PTPRF: variants seen among roughly 807,000 people sequenced by gnomAD.
PTPRF encodes receptor-type tyrosine-protein phosphatase F.
Under a neutral mutation model 201.8 loss-of-function variants are expected in PTPRF, and 59 were observed. That is an observed-to-expected ratio of 0.29 (90% CI 0.24 to 0.36). PTPRF has a LOEUF of 0.36. Among genes scored for constraint, PTPRF ranks in the 10% least tolerant of loss-of-function variants. The pLI is 1.00. For synonymous variants in PTPRF, 1,088 were observed against 1,089.7 expected, an observed-to-expected ratio of 1.00 and a Z score of 0.03; for missense variants, 2,132 against 2,690.5, an observed-to-expected ratio of 0.79 and a Z score of 4.59.
At position 43,553,039 on chromosome 1, in the gene PTPRF, A is replaced by G. The variant is rs569368345; in HGVS notation, c.92-453A>G. ...GAGCCCCGGGGTGGATGGTGGTGCC[A>G]TCACTGAGATGGAGAGCAGGGGGAG... is the stretch of plus-strand genomic sequence containing the variant. On this transcript the variant is annotated intron_variant, in intron 3 of 33. Transcript: ENST00000359947. This position sits in a 1 kb window ranked among gnomAD's most constrained non-coding sequence, Gnocchi z 4.1. Among the ~76,000 whole-genome samples the G allele has an allele frequency of 3.3e-5, 5 of 152,278 alleles. No homozygotes were observed. In the East Asian group the frequency reaches 9.7e-4, roughly 29 times the overall value.
intron 7 of PTPRF, chr1:43,579,588 A>G: frequency 3.6e-6 from 1 of 279,556 alleles, no homozygotes. Context: ...GCAGAGAGGA[A>G]CCTGGGGACT....
intron 23 of PTPRF, among the ~76,000 whole-genome samples, chr1:43,616,547 G>A (rs1657908070): frequency 1.3e-5 from 2 of 151,906 alleles, no homozygotes; most frequent in African/African-American, 4.8e-5. Flanking sequence ...GGGTGGGGGA[G>A]CACCAGAACC....
At chr1:43,534,887 C>T (rs150385107) in intron 1 of PTPRF, among the ~76,000 whole-genome samples, 45 of 152,238 alleles carry the variant, frequency 3.0e-4, no homozygotes, top group African/African-American at 8.2e-4. Context: ...TCTCTGAATC[C>T]GCTTCCTCAT....
In PTPRF at chr1:43,606,295, C is replaced by G; in HGVS notation, c.3539C>G (p.Ala1180Gly). 6.2e-7 allele frequency: 1 copy of G among 1,613,926 alleles called. No homozygotes were observed. Among genetic ancestry groups the G allele is most frequent in the South Asian group, 1.1e-5 (1 of 91,080 alleles). ...GEEQRRRRRQ[A>G]ERLKPYVAAQ... The stretch of plus-strand genomic sequence containing the variant: ...GAGCAGCGGCGGCGGCGGCGGCAGG[C>G]AGAACGTCTGAAGCCATATGTGGCT... Residue 1180 changes from alanine to glycine, a missense_variant, in exon 20 of 34, where the codon GCA becomes GGA. By Grantham distance (60) the Ala-to-Gly change is moderately conservative. Coordinates refer to ENST00000359947, the MANE Select transcript of PTPRF (RefSeq NM_002840.5).
rs1475129474 is a variant in PTPRF at position 43,618,632 on chromosome 1, A to G, written c.4374A>G (p.Val1458=). The G allele has an allele frequency of 1.3e-6, 2 of 1,596,236 alleles. No homozygotes were observed. Among genetic ancestry groups the G allele is most frequent in the South Asian group, 1.1e-5 (1 of 90,514 alleles). The change falls in exon 26 of 34, where the codon GTA becomes GTG. Residue 1458 remains valine (V), a splice_region_variant and synonymous_variant. Transcript: ENST00000359947. ...MMTRLEEKSR[V]KCDQYWPARG... ...CTGCCCTGCTCATCCTCCTGCAGGT[A>G]AAATGTGATCAGTACTGGCCAGCCC...
At chr1:43,590,628 G>A (rs1213005407) in intron 8 of PTPRF, among the ~76,000 whole-genome samples, 2 of 152,212 alleles carry the variant, frequency 1.3e-5, no homozygotes, top group Admixed American at 6.5e-5. Context: ...CCCAGTCTGG[G>A]TGTCTTTCAT....
upstream of PTPRF, among the ~76,000 whole-genome samples, chr1:43,529,839 G>A (rs2153944100): frequency 6.6e-6 from 1 of 152,272 alleles, no homozygotes; most frequent in African/African-American, 2.4e-5. Context: ...CATTATTTGA[G>A]TTTGGTATGA....
intron 5 of PTPRF, among the ~76,000 whole-genome samples, chr1:43,558,621 C>T (rs979617760): frequency 3.9e-5 from 6 of 152,140 alleles, no homozygotes; most frequent in South Asian, 2.1e-4. Context: ...GCCTCTCCCT[C>T]GCCGGGTAAT....
intron 23 of PTPRF, 22 bp from the exon 24 acceptor site, chr1:43,617,423 C>G (rs774264880): frequency 1.9e-6 from 3 of 1,613,950 alleles, no homozygotes; most frequent in Non-Finnish European, 2.5e-6. Context: ...CCCACCCCAC[C>G]CGCTTTCTCC....
At chr1:43,536,939 AG>A (rs374381100) in intron 1 of PTPRF, among the ~76,000 whole-genome samples, 1 of 152,266 alleles carries the variant, frequency 6.6e-6, no homozygotes, top group Non-Finnish European at 1.5e-5. Context: ...CCAGGTGCAG[AG>A]GTGTGTCCTT....
Position 43,546,957 on chromosome 1 carries a change from T to C in PTPRF, c.91+1791T>C, listed in dbSNP as rs1644718053. On this transcript the variant is annotated intron_variant, in intron 3 of 33. Transcript: ENST00000359947. This position sits in a 1 kb window ranked among gnomAD's most constrained non-coding sequence, Gnocchi z 4.2. The stretch of plus-strand genomic sequence containing the variant: ...AAGCCACCCTCGGCTCTTGGGCTTT[T>C]GCACGCAACAGCCTCCTGACGGTTT... 6.6e-6 allele frequency among the ~76,000 whole-genome samples: 1 copy of C among 152,236 alleles called. No homozygotes were observed. The highest frequency in any genetic ancestry group is 2.4e-5 in the African/African-American group (1 of 41,434).
At chr1:43,559,278 G>A (rs1034072391) in intron 5 of PTPRF, among the ~76,000 whole-genome samples, 2 of 152,210 alleles carry the variant, frequency 1.3e-5, no homozygotes, top group African/African-American at 2.4e-5. Context: ...GGAAGGGGCA[G>A]TGTGTGCAGG....
chr1:43,565,865 C>T (rs1486856212), intron 5 of PTPRF, among the ~76,000 whole-genome samples: 1 of 152,146 alleles, frequency 6.6e-6, no homozygotes, highest in Admixed American at 6.5e-5. Flanking sequence ...CTCGGGCACA[C>T]GCAGCCCTTC....
upstream of PTPRF, among the ~76,000 whole-genome samples, chr1:43,529,859 A>T (rs1298757056): frequency 1.3e-5 from 2 of 152,300 alleles, no homozygotes; most frequent in East Asian, 3.9e-4. Flanking sequence ...AGAAGTCAGA[A>T]ACTCAGTACT....
In PTPRF at chr1:43,615,564, TTTTTTTTTTTTTTTTTTC is replaced by T. The variant is rs1160430922; in HGVS notation, c.4071+1856_4072-1857del. Among the ~76,000 whole-genome samples the T allele has an allele frequency of 7.5e-3, 476 of 63,722 alleles. 17 individuals are homozygous for T. The East Asian group carries it at 0.1, about 14-fold the overall frequency. The allele number at this position is 63,722 out of a possible 152,430, so 41.8% of individuals were successfully genotyped here. A position where few individuals can be genotyped will look rare whatever the true frequency, so the allele number is the denominator to read the frequency against. ...TAGCTCTGTTGTCTTTTTTTTTTTTTTTTTTTTTTTTTTTTTTCTTTTTTGGAAGTCTCGCTCCGTCAT... is the reference window on the plus strand; with the variant it reads ...TAGCTCTGTTGTCTTTTTTTTTTTTTTTTTTTGGAAGTCTCGCTCCGTCAT... On this transcript the variant is annotated intron_variant, in intron 23 of 33. Coordinates refer to ENST00000359947, the MANE Select transcript of PTPRF (RefSeq NM_002840.5).
rs752058133 is a variant in PTPRF, at chr1:43,621,509, GAAAACAAAAC to G, written c.5655+292_5655+301del. On this transcript the variant is annotated intron_variant, in intron 33 of 33. Coordinates refer to ENST00000359947, the MANE Select transcript of PTPRF (RefSeq NM_002840.5). ...GGTGGCAGAGCAAGACCCTGTTGCTGAAAACAAAACAAAACAAAACAAAAATGCTGCAACA... is the reference window on the plus strand; with the variant it reads ...GGTGGCAGAGCAAGACCCTGTTGCTGAAAACAAAACAAAAATGCTGCAACA... Among the ~76,000 whole-genome samples, 3 of 116,602 alleles carry G rather than the reference GAAAACAAAAC, an allele frequency of 2.6e-5. No homozygotes were observed. The South Asian group carries it at 7.9e-4, about 31-fold the overall frequency. 76.5% of individuals were successfully genotyped at this position (116,602 alleles called of 152,430 possible).
chr1:43,540,232 C>T (rs987227339), intron 2 of PTPRF, among the ~76,000 whole-genome samples: 1 of 152,176 alleles, frequency 6.6e-6, no homozygotes, highest in Non-Finnish European at 1.5e-5. Flanking sequence ...CCAGTCGTTG[C>T]GTAATGTCCC....
upstream of PTPRF, among the ~76,000 whole-genome samples, chr1:43,527,053 T>G (rs1169263961): frequency 6.6e-6 from 1 of 152,178 alleles, no homozygotes; most frequent in Non-Finnish European, 1.5e-5. Context: ...TTAATTTGGT[T>G]TAGACCAACT....
chr1:43,582,929 C>T (rs1226138529), intron 7 of PTPRF, among the ~76,000 whole-genome samples: 4 of 152,262 alleles, frequency 2.6e-5, no homozygotes, highest in South Asian at 2.1e-4. Context: ...TGTGTGTGTG[C>T]GAGGGGGCAC....
Sources: allele counts gnomAD v4.1 joint callset (sites outside exome capture counted in the v4.1 genomes callset), GRCh38; gene constraint gnomAD v4.1.1; non-coding constraint Gnocchi (gnomAD v3.1); transcripts MANE v1.5; gene names NCBI Gene and HGNC (gene_info 2026-07-23, HGNC 2026-07-21).